NWD2: variants seen among roughly 807,000 people sequenced by gnomAD.
NWD2 encodes NACHT and WD repeat domain-containing protein 2.
A neutral mutation model predicts 132.7 loss-of-function variants in NWD2; 37 were observed. The ratio of observed to expected loss-of-function variants is 0.28; its 90% CI spans 0.21 to 0.37. The LOEUF is 0.37. NWD2 is among the 10% of genes least tolerant of loss of function. The pLI, the probability that NWD2 is intolerant of heterozygous loss-of-function variation, is 1.00. For missense variants in NWD2, 1,592 were observed against 2,122.4 expected, an observed-to-expected ratio of 0.75 and a Z score of 4.91; for synonymous variants, 705 against 803.0, an observed-to-expected ratio of 0.88 and a Z score of 2.06.
intron 3 of NWD2, among the ~76,000 whole-genome samples, chr4:37,412,009 C>A (rs944366910): frequency 6.6e-6 from 1 of 152,178 alleles, no homozygotes; most frequent in African/African-American, 2.4e-5. Flanking sequence ...CTATTTATGA[C>A]AAACCCACAG....
chr4:37,282,837 ATTG>A (rs1418187789), intron 1 of NWD2, among the ~76,000 whole-genome samples: 2 of 152,136 alleles, frequency 1.3e-5, no homozygotes, highest in Non-Finnish European at 1.5e-5. Context: ...TATTTTTAGC[ATTG>A]TTGTGTGAAA....
chr4:37,279,203 T>C (rs1321836121), intron 1 of NWD2, among the ~76,000 whole-genome samples: 1 of 152,214 alleles, frequency 6.6e-6, no homozygotes, highest in Non-Finnish European at 1.5e-5. Context: ...TGTTTGCTTT[T>C]ATTTTAAATG....
chr4:37,296,592 A>G (rs1476480891), intron 1 of NWD2, among the ~76,000 whole-genome samples: 1 of 152,174 alleles, frequency 6.6e-6, no homozygotes, highest in Admixed American at 6.5e-5. Context: ...ACACAGGAGT[A>G]GAAACCCAAA....
At chr4:37,310,912 C>T (rs985209406) in intron 1 of NWD2, among the ~76,000 whole-genome samples, 10 of 150,998 alleles carry the variant, frequency 6.6e-5, no homozygotes, top group African/African-American at 2.4e-4. Flanking sequence ...CTATAGTTTA[C>T]TGAGAATGAT....
At chr4:37,348,985 AT>A (rs1394770090) in intron 2 of NWD2, among the ~76,000 whole-genome samples, 2 of 151,872 alleles carry the variant, frequency 1.3e-5, no homozygotes, top group African/African-American at 4.8e-5. Flanking sequence ...TTCCAGCTTC[AT>A]CCATGTCCCT....
chr4:37,270,051 T>G (rs1717835542), intron 1 of NWD2, among the ~76,000 whole-genome samples: 1 of 151,794 alleles, frequency 6.6e-6, no homozygotes, highest in African/African-American at 2.4e-5. Context: ...GGCTTTAATT[T>G]GCTTCTCTCT....
At chr4:37,369,471 G>A (rs1720172162) in intron 3 of NWD2, among the ~76,000 whole-genome samples, 1 of 152,112 alleles carries the variant, frequency 6.6e-6, no homozygotes, top group Admixed American at 6.5e-5. Context: ...ATTTATAAGT[G>A]AGAACATGTG....
chr4:37,327,154 C>T (rs1719189354), intron 2 of NWD2, among the ~76,000 whole-genome samples: 1 of 152,148 alleles, frequency 6.6e-6, no homozygotes, highest in Non-Finnish European at 1.5e-5. Flanking sequence ...ATCCCAAAGA[C>T]TTAGACACTC....
At chr4:37,296,218 G>T (rs1045069695) in intron 1 of NWD2, among the ~76,000 whole-genome samples, 3 of 152,152 alleles carry the variant, frequency 2.0e-5, no homozygotes, top group African/African-American at 7.2e-5. Context: ...AAGGCTGTGG[G>T]GTGCCTTCGG....
chr4:37,391,900 T>C (rs762418461), intron 3 of NWD2, among the ~76,000 whole-genome samples: 2 of 152,164 alleles, frequency 1.3e-5, no homozygotes, highest in African/African-American at 2.4e-5. Context: ...TTAAGTATGT[T>C]CGTTTAATAA....
At chr4:37,367,883 T>G (rs1720133717) in intron 3 of NWD2, among the ~76,000 whole-genome samples, 1 of 152,164 alleles carries the variant, frequency 6.6e-6, no homozygotes, top group Non-Finnish European at 1.5e-5. Context: ...AGTCTAAGTC[T>G]CTTTAATCCA....
chr4:37,406,608 G>A (rs966251632), intron 3 of NWD2, among the ~76,000 whole-genome samples: 2 of 152,132 alleles, frequency 1.3e-5, no homozygotes, highest in African/African-American at 2.4e-5. Flanking sequence ...ATACTATGCA[G>A]CCATAAAAAA....
chr4:37,266,197 A>G (rs1251483904), intron 1 of NWD2, among the ~76,000 whole-genome samples: 1 of 152,102 alleles, frequency 6.6e-6, no homozygotes. Context: ...AAATTAGCCT[A>G]GACATTTTGG....
At chr4:37,434,338 T>A (rs1205270981) in intron 5 of NWD2, among the ~76,000 whole-genome samples, 1 of 152,178 alleles carries the variant, frequency 6.6e-6, no homozygotes, top group Non-Finnish European at 1.5e-5. Flanking sequence ...CAGCAAATAT[T>A]AATGGATCTA....
chr4:37,417,584 A>G (rs921922877), intron 3 of NWD2, among the ~76,000 whole-genome samples: 1 of 152,176 alleles, frequency 6.6e-6, no homozygotes, highest in Non-Finnish European at 1.5e-5. Context: ...TTTACTTTAA[A>G]AAGATCTATT....
chr4:37,368,628 C>T (rs945334142), intron 3 of NWD2, among the ~76,000 whole-genome samples: 1 of 152,100 alleles, frequency 6.6e-6, no homozygotes, highest in Non-Finnish European at 1.5e-5. Flanking sequence ...CTGTGTGTCA[C>T]AAAAGGAATC....
At chr4:37,431,634 C>A (rs966080326) in intron 4 of NWD2, among the ~76,000 whole-genome samples, 3 of 152,066 alleles carry the variant, frequency 2.0e-5, no homozygotes, top group African/African-American at 7.2e-5. Flanking sequence ...TACCACCCAC[C>A]AAAACAAAGG....
chr4:37,375,804 T>A (rs1262902011), intron 3 of NWD2, among the ~76,000 whole-genome samples: 4 of 152,144 alleles, frequency 2.6e-5, no homozygotes, highest in African/African-American at 9.7e-5. Context: ...CCTGACCTTG[T>A]GATCCACCCG....
At chr4:37,284,357 A>G (rs765599165) in intron 1 of NWD2, among the ~76,000 whole-genome samples, 10 of 152,218 alleles carry the variant, frequency 6.6e-5, no homozygotes, top group Non-Finnish European at 1.5e-4. Flanking sequence ...TTCAGGTGAG[A>G]GTAATTGAAC....
Sources: gnomAD v4.1 joint callset for allele counts (sites outside exome capture counted in the v4.1 genomes callset) on GRCh38, gnomAD v4.1.1 for gene constraint, MANE v1.5 for transcripts, NCBI Gene and HGNC (gene_info 2026-07-23, HGNC 2026-07-21) for gene names.